Variants in RFK observed in about 807,000 individuals in gnomAD.
The protein encoded by RFK is riboflavin kinase.
RFK carries 4 observed loss-of-function variants against 17.6 expected under a neutral mutation model. That is an observed-to-expected ratio of 0.23 (90% CI 0.11 to 0.52). The LOEUF (loss-of-function observed/expected upper bound fraction) is 0.52. Ranked by LOEUF, RFK falls within the 20% of genes least tolerant of loss-of-function variation. The pLI is 0.96. For synonymous variants in RFK, 59 were observed against 63.8 expected (o/e 0.92, Z 0.36); for missense variants, 189 against 187.7 (o/e 1.01, Z -0.04).
intron 2 of RFK, among the ~76,000 whole-genome samples, chr9:76,389,405 G>A (rs1822786645): frequency 6.6e-6 from 1 of 152,226 alleles, no homozygotes; most frequent in Middle Eastern, 3.4e-3. Flanking sequence ...TGACTTTGGG[G>A]CTATGAACCA....
At position 76,394,248 on chromosome 9, in the gene RFK, C is replaced by T; in HGVS notation, c.-77G>A. On this transcript the variant is annotated 5_prime_UTR_variant, in exon 1 of 4. Transcript: ENST00000376736. ...AGCCGCCGTCGACGCGGCGCCCAGA[C>T]CCCGGACCAGCCGGGGGACAGGAGC... is the stretch of plus-strand genomic sequence containing the variant. The T allele has an allele frequency of 3.5e-6, 5 of 1,446,386 alleles. No individual in the cohort carries two copies. Among genetic ancestry groups the T allele is most frequent in the South Asian group, 1.3e-5 (1 of 79,422 alleles). 89.6% of individuals were successfully genotyped at this position (1,446,386 alleles called of 1,614,324 possible). A position where few individuals can be genotyped will look rare whatever the true frequency, so the allele number is the denominator to read the frequency against.
Position 76,387,342 on chromosome 9 carries a change from A to G in RFK, c.*57T>C, listed in dbSNP as rs1822751408. On this transcript the variant is annotated 3_prime_UTR_variant, in exon 4 of 4. Coordinates refer to ENST00000376736, the MANE Select transcript of RFK (RefSeq NM_018339.6). Reference sequence around the variant, plus strand: ...GTATATAACCAAGATGATGCTGAACAGTAATAAACACAGAAACACTAGAAA... The same window carrying G: ...GTATATAACCAAGATGATGCTGAACGGTAATAAACACAGAAACACTAGAAA... 2 of 1,489,266 alleles carry G rather than the reference A, an allele frequency of 1.3e-6. No homozygotes were observed. 92.3% of individuals were successfully genotyped at this position (1,489,266 alleles called of 1,614,324 possible).
At chr9:76,387,598 T>A in intron 3 of RFK, 69 bp from the exon 4 acceptor site, 1 of 1,471,168 alleles carries the variant, frequency 6.8e-7, no homozygotes, top group East Asian at 2.3e-5. Flanking sequence ...CTACTCTGTT[T>A]AGCCAATCCT....
rs944184769 is a variant in RFK, at chr9:76,394,283, G to C, written c.-112C>G. The C allele has an allele frequency of 1.9e-6, 2 of 1,076,380 alleles. No homozygotes were observed. The highest frequency in any genetic ancestry group is 3.0e-5 in the Admixed American group (1 of 33,470). The allele number at this position is 1,076,380 out of a possible 1,614,324, so 66.7% of individuals were successfully genotyped here. A position where few individuals can be genotyped will look rare whatever the true frequency, so the allele number is the denominator to read the frequency against. On this transcript the variant is annotated 5_prime_UTR_variant, in exon 1 of 4. Transcript: ENST00000376736. The stretch of plus-strand genomic sequence containing the variant: ...GCCGGGGGACAGGAGCGTGAGCTCT[G>C]CCTGCCGCGGGGGCGCACCAGTGGC...
chr9:76,389,839 G>C (rs891652244), intron 2 of RFK, among the ~76,000 whole-genome samples: 2 of 152,142 alleles, frequency 1.3e-5, no homozygotes, highest in Non-Finnish European at 2.9e-5. Flanking sequence ...AGACATTATT[G>C]AGAGAAATGG....
In RFK at chr9:76,394,113, G is replaced by C; in HGVS notation, c.59C>G (p.Ser20Cys). ...ACCTGTGGGGATGCCCAGCTGCTTGGAGCCGCGGCCGAAGCCCCGCACCAC... is the reference window on the plus strand; with the variant it reads ...ACCTGTGGGGATGCCCAGCTGCTTGCAGCCGCGGCCGAAGCCCCGCACCAC... ...GQVVRGFGRG[S>C]KQLGIPTANF... Residue 20 changes from serine (S) to cysteine (C), a missense_variant, in exon 1 of 4, where the codon TCC becomes TGC. Transcript: ENST00000376736. 2 of 1,609,046 alleles carry C rather than the reference G, an allele frequency of 1.2e-6. No homozygotes were observed. Among genetic ancestry groups the C allele is most frequent in the African/African-American group, 1.3e-5 (1 of 74,996 alleles).
In RFK at chr9:76,394,342, C is replaced by G; in HGVS notation, c.-171G>C. The G allele has an allele frequency of 1.8e-6, 1 of 556,814 alleles. No individual in the cohort carries two copies. Among genetic ancestry groups the G allele is most frequent in the Non-Finnish European group, 3.0e-6 (1 of 331,722 alleles). 34.5% of individuals were successfully genotyped at this position (556,814 alleles called of 1,614,324 possible). The stretch of plus-strand genomic sequence containing the variant: ...GCCGACCACAGGCCACTGCGAATCC[C>G]TGACGCCGCCGACCCAACAAATACC... On this transcript the variant is annotated 5_prime_UTR_variant, in exon 1 of 4. Transcript: ENST00000376736.
intron 1 of RFK, among the ~76,000 whole-genome samples, chr9:76,393,215 T>G (rs1397527546): frequency 6.6e-6 from 1 of 151,508 alleles, no homozygotes; most frequent in Non-Finnish European, 1.5e-5. Context: ...TTTCTTTTTT[T>G]TTTTTTTTTG....
intron 1 of RFK, among the ~76,000 whole-genome samples, chr9:76,393,247 C>A (rs1445911003): frequency 2.0e-5 from 3 of 150,930 alleles, no homozygotes. Context: ...CACTCTGTCG[C>A]CCAGGCTGGA....
rs765682532 is a variant in RFK at position 76,387,514 on chromosome 9, G to A, written c.353C>T (p.Ala118Val). Residue 118 changes from alanine (A) to valine (V), a missense_variant, in exon 4 of 4, where the codon GCA becomes GTA. Physicochemically the swap from Ala to Val is moderately conservative, Grantham distance 64. This residue lies in a region of RFK where 95 missense variants were observed against 95.7 expected (regional missense o/e 0.99). Transcript: ENST00000376736. ...NFDSLESLISAIQGDIEEAKK... is the reference protein window; with the variant it reads ...NFDSLESLISVIQGDIEEAKK... ...AGCTTCTTCAATATCACCTTGAATT[G>A]CTGAAATAAGTGACTCTGCAGAGAG... 36 of 1,610,200 alleles carry A rather than the reference G, an allele frequency of 2.2e-5. No individual in the cohort carries two copies. Among genetic ancestry groups the A allele is most frequent in the Non-Finnish European group, 3.0e-5 (35 of 1,179,294 alleles).
Position 76,388,640 on chromosome 9 carries a change from T to G in RFK, c.251A>C (p.His84Pro), listed in dbSNP as rs201712160. The change falls in exon 3 of 4, where the codon CAT (histidine) becomes CCT (proline). Residue 84 changes from histidine (H) to proline (P), a missense_variant. By Grantham distance (77) the His-to-Pro change is moderately conservative. This residue lies in a region of RFK where 95 missense variants were observed against 95.7 expected (regional missense o/e 0.99). Transcript: ENST00000376736. ...TKKSMETHIM[H>P]TFKEDFYGEI... is the part of the protein sequence containing the mutation. ...CCCATAGAAGTCCTCTTTGAAGGTA[T>G]GCATGATATGTGTTTCCTATAGTCA... is the stretch of plus-strand genomic sequence containing the variant. The G allele has an allele frequency of 1.9e-6, 3 of 1,607,334 alleles. No individual in the cohort carries two copies. The South Asian group carries it at 3.3e-5, about 18-fold the overall frequency.
In RFK at chr9:76,389,507, C is replaced by T. The variant is rs572563289; in HGVS notation, c.235-851G>A. On this transcript the variant is annotated intron_variant, in intron 2 of 3. Transcript: ENST00000376736. ...GGGTGCAGTAGTTCATGCCTGTAAT[C>T]CCAGCACTTTGGGAGGCGGAGCCAG... Among the ~76,000 whole-genome samples, 12 of 152,232 alleles carry T rather than the reference C, an allele frequency of 7.9e-5. No homozygotes were observed. The South Asian group carries it at 2.5e-3, about 32-fold the overall frequency.
rs964281498 is a variant in RFK, at chr9:76,386,088, A to G, written c.*1311T>C. 7 of 152,118 alleles carry G rather than the reference A, an allele frequency of 4.6e-5. No individual in the cohort carries two copies. The highest frequency in any genetic ancestry group is 1.2e-4 in the African/African-American group (5 of 41,428). 9.4% of individuals were successfully genotyped at this position (152,118 alleles called of 1,614,324 possible). A position where few individuals can be genotyped will look rare whatever the true frequency, so the allele number is the denominator to read the frequency against. ...TTAAAATTACCTTCTATCTGCTTCT[A>G]CCTCTATCCCCCCATCACCACCAAA... On this transcript the variant is annotated 3_prime_UTR_variant, in exon 4 of 4. Transcript: ENST00000376736.
At position 76,389,415 on chromosome 9, in the gene RFK, A is replaced by T. The variant is rs536226855; in HGVS notation, c.235-759T>A. The stretch of plus-strand genomic sequence containing the variant: ...CCCCATGACTTTGGGGCTATGAACC[A>T]ATATATTCTTTCTTTTCAGTAAACA... On this transcript the variant is annotated intron_variant, in intron 2 of 3. Transcript: ENST00000376736. Among the ~76,000 whole-genome samples, 23 of 152,298 alleles carry T rather than the reference A, an allele frequency of 1.5e-4. No individual in the cohort carries two copies. The South Asian group carries it at 4.8e-3, about 32-fold the overall frequency.
chr9:76,387,996 T>G (rs576262020), intron 3 of RFK: 2 of 279,968 alleles, frequency 7.1e-6, no homozygotes, highest in East Asian at 2.2e-4. Flanking sequence ...AAACTCTGTC[T>G]CAAACAAACA....
rs142046364 is a variant in RFK, at chr9:76,394,374, C to A, written c.-203G>T. The stretch of plus-strand genomic sequence containing the variant: ...CGCCGACCCAACAAATACCGCCGGG[C>A]GCCTGAGGAGCTGCGTCTCCGCTGG... On this transcript the variant is annotated 5_prime_UTR_variant, in exon 1 of 4. Coordinates refer to ENST00000376736, the MANE Select transcript of RFK (RefSeq NM_018339.6). 1,970 of 497,634 alleles carry A rather than the reference C, an allele frequency of 4.0e-3. 44 individuals carry two copies. The highest frequency in any genetic ancestry group is 0.036 in the African/African-American group (1,744 of 48,684). 30.8% of individuals were successfully genotyped at this position (497,634 alleles called of 1,614,324 possible). A position where few individuals can be genotyped will look rare whatever the true frequency, so the allele number is the denominator to read the frequency against.
In RFK at chr9:76,386,070, T is replaced by C. The variant is rs1415377065; in HGVS notation, c.*1329A>G. 1 of 152,182 alleles carries C rather than the reference T, an allele frequency of 6.6e-6. No homozygotes were observed. The highest frequency in any genetic ancestry group is 2.4e-5 in the African/African-American group (1 of 41,456). 9.4% of individuals were successfully genotyped at this position (152,182 alleles called of 1,614,324 possible). A position where few individuals can be genotyped will look rare whatever the true frequency, so the allele number is the denominator to read the frequency against. ...ATTCATAATAAATTAACTTTAAAATTACCTTCTATCTGCTTCTACCTCTAT... is the reference window on the plus strand; with the variant it reads ...ATTCATAATAAATTAACTTTAAAATCACCTTCTATCTGCTTCTACCTCTAT... On this transcript the variant is annotated 3_prime_UTR_variant, in exon 4 of 4. Coordinates refer to ENST00000376736, the MANE Select transcript of RFK (RefSeq NM_018339.6).
intron 2 of RFK, among the ~76,000 whole-genome samples, chr9:76,391,936 T>TA (rs34498868): frequency 0.21 from 30,967 of 145,426 alleles, 3,266 homozygotes; most frequent in Admixed American, 0.23. Flanking sequence ...ACCCCATCTT[T>TA]AAAAAAAAAA....
chr9:76,388,403 A>C (rs1822769914), intron 3 of RFK, 151 bp downstream of exon 3: 1 of 648,040 alleles, frequency 1.5e-6, no homozygotes, highest in East Asian at 2.7e-5. Flanking sequence ...AGGTGAAAGA[A>C]GATAGATTCA....
Sources: allele counts gnomAD v4.1 joint callset (sites outside exome capture counted in the v4.1 genomes callset), GRCh38; gene constraint gnomAD v4.1.1; regional missense constraint gnomAD v4.1.1; transcripts MANE v1.5; gene names NCBI Gene and HGNC (gene_info 2026-07-23, HGNC 2026-07-21).